Variants in ASB2 observed in about 807,000 individuals in gnomAD.
The protein encoded by ASB2 is ankyrin repeat and SOCS box containing 2.
Under a neutral mutation model 62.4 loss-of-function variants are expected in ASB2, and 58 were observed. That is an observed-to-expected ratio of 0.93 (90% confidence interval 0.75 to 1.16). ASB2 has a LOEUF of 1.16. ASB2 is among the 50% of genes most tolerant of loss of function. The probability of loss-of-function intolerance (pLI) is 0.00; values close to 1 mark genes in which losing one functional copy is unlikely to be tolerated. For synonymous variants in ASB2, 386 were observed against 385.3 expected, an observed-to-expected ratio of 1.00 and a Z score of -0.02; for missense variants, 928 against 887.9, an observed-to-expected ratio of 1.05 and a Z score of -0.57.
chr14:93,955,529 TG>T (rs36022757), intron 3 of ASB2: 4 of 182,226 alleles, frequency 2.2e-5, no homozygotes, highest in African/African-American at 9.3e-5. Flanking sequence ...AAAAGCCCAG[TG>T]GGGGTATGTG....
intron 7 of ASB2, 195 bp from the exon 8 acceptor site, chr14:93,939,867 C>T (rs1387247282): frequency 3.9e-5 from 18 of 465,422 alleles, no homozygotes; most frequent in African/African-American, 1.7e-4. Flanking sequence ...GGTCGGCTGC[C>T]GTCTCCGCTT....
intron 7 of ASB2, chr14:93,940,307 A>G (rs3790060): frequency 0.24 from 36,804 of 152,144 alleles, 4,930 homozygotes; most frequent in East Asian, 0.6. Context: ...CCCCTAAAGC[A>G]AGGCTCATCA....
intron 1 of ASB2, among the ~76,000 whole-genome samples, chr14:93,967,269 A>G (rs1470159169): frequency 6.6e-6 from 1 of 152,214 alleles, no homozygotes; most frequent in Admixed American, 6.5e-5. Context: ...GGTCCCTGCC[A>G]GGTCTGAGTT....
At chr14:93,968,750 C>T (rs12886344) in intron 1 of ASB2, among the ~76,000 whole-genome samples, 10,335 of 152,268 alleles carry the variant, frequency 0.068, 363 homozygotes, top group African/African-American at 0.075. Context: ...CTGCTAGAGG[C>T]CTGTCTCCCT....
intron 1 of ASB2, chr14:93,968,264 CAAT>C (rs1272933844): frequency 6.6e-6 from 1 of 152,182 alleles, no homozygotes; most frequent in Non-Finnish European, 1.5e-5. Context: ...TTACATTGGC[CAAT>C]TATCCATGTC....
intron 6 of ASB2, among the ~76,000 whole-genome samples, chr14:93,950,746 AGGT>A (rs1166153032): frequency 1.3e-5 from 2 of 152,188 alleles, no homozygotes; most frequent in African/African-American, 4.8e-5. Context: ...AATGGCAAAT[AGGT>A]GGTCCGTGGG....
intron 1 of ASB2, chr14:93,968,338 C>T (rs1889655086): frequency 6.6e-6 from 1 of 152,234 alleles, no homozygotes; most frequent in African/African-American, 2.4e-5. Context: ...AATTCCTCTA[C>T]AGCCCCTCTC....
Position 93,951,092 on chromosome 14 carries a change from T to C in ASB2, c.787A>G (p.Lys263Glu). Residue 263 changes from lysine to glutamate, a missense_variant, in exon 6 of 10, where the codon AAG becomes GAG. By Grantham distance (56) the Lys-to-Glu change is moderately conservative (BLOSUM62 1). Transcript: ENST00000555019. ...VMQILVSGGAKVESKNAYGIT... is the reference protein window; with the variant it reads ...VMQILVSGGAEVESKNAYGIT... The stretch of plus-strand genomic sequence containing the variant: ...CCGTAGGCGTTCTTGGATTCCACCT[T>C]GGCTCCTCCGCTCACCAGGATCTGC... 1 of 1,614,212 alleles carries C rather than the reference T, an allele frequency of 6.2e-7. No individual in the cohort carries two copies. Among genetic ancestry groups the C allele is most frequent in the Non-Finnish European group, 8.5e-7 (1 of 1,180,048 alleles).
intron 7 of ASB2, chr14:93,942,172 A>G: frequency 2.2e-6 from 1 of 455,902 alleles, no homozygotes; most frequent in Non-Finnish European, 4.4e-6. Context: ...CCCACCAAAC[A>G]GTCTGACTCT....
Position 93,953,623 on chromosome 14 carries a change from T to C in ASB2, c.479-116A>G, listed in dbSNP as rs1015405389. Reference sequence around the variant, plus strand: ...ACAATGTATGACATCCTCTGAAATTTACCAACTACAGACTGCATTCATCTG... The same window carrying C: ...ACAATGTATGACATCCTCTGAAATTCACCAACTACAGACTGCATTCATCTG... On this transcript the variant is annotated intron_variant, in intron 4 of 9. Transcript: ENST00000555019. 7 of 927,144 alleles carry C rather than the reference T, an allele frequency of 7.6e-6. No homozygotes were observed. The African/African-American group carries it at 1.2e-4, about 16-fold the overall frequency. 57.4% of individuals were successfully genotyped at this position (927,144 alleles called of 1,614,324 possible).
At chr14:93,957,911 G>T (rs912754769) in intron 2 of ASB2, among the ~76,000 whole-genome samples, 2 of 152,060 alleles carry the variant, frequency 1.3e-5, no homozygotes, top group East Asian at 3.9e-4. Context: ...ACACTCTTCT[G>T]GGGGGGATTG....
intron 2 of ASB2, among the ~76,000 whole-genome samples, chr14:93,961,183 A>T (rs1268858382): frequency 1.3e-5 from 2 of 152,144 alleles, no homozygotes; most frequent in African/African-American, 4.8e-5. Context: ...CGCCCACCTC[A>T]TCTTATTTGC....
intron 5 of ASB2, among the ~76,000 whole-genome samples, chr14:93,951,934 G>T (rs568880388): frequency 3.3e-5 from 5 of 152,232 alleles, no homozygotes; most frequent in African/African-American, 9.6e-5. Flanking sequence ...GACCCCAAAC[G>T]TGCCCTTGGC....
At chr14:93,957,904 C>T (rs1225014679) in intron 2 of ASB2, among the ~76,000 whole-genome samples, 1 of 152,150 alleles carries the variant, frequency 6.6e-6, no homozygotes, top group Non-Finnish European at 1.5e-5. Context: ...TTTCACCACA[C>T]TCTTCTGGGG....
chr14:93,939,367 C>T lies in ASB2; in HGVS notation c.1358G>A (p.Cys453Tyr), dbSNP rs147776008. The part of the protein sequence containing the change: ...SPLLVAIRHG[C>Y]LRTMQLLLDH... ...CAGCAGCAGCTGCATTGTGCGCAGG[C>T]AGCCGTGGCGGATGGCCACGAGCAA... is the stretch of plus-strand genomic sequence containing the variant. Residue 453 changes from cysteine (C) to tyrosine (Y), a missense_variant, in exon 8 of 10, where the codon TGC becomes TAC. By Grantham distance (194) the Cys-to-Tyr change is radical. Coordinates refer to ENST00000555019, the MANE Select transcript of ASB2 (RefSeq NM_001202429.2). 79 of 1,612,780 alleles carry T rather than the reference C, an allele frequency of 4.9e-5. No homozygotes were observed. The African/African-American group carries it at 9.6e-4, about 20-fold the overall frequency.
At chr14:93,961,532 G>C (rs1889407336) in intron 2 of ASB2, among the ~76,000 whole-genome samples, 1 of 152,252 alleles carries the variant, frequency 6.6e-6, no homozygotes, top group African/African-American at 2.4e-5. Flanking sequence ...ACAGCCATGA[G>C]AGCAAGTAAG....
In ASB2 at chr14:93,953,533, A is replaced by G. The variant is rs372795273; in HGVS notation, c.479-26T>C. 49 of 1,552,454 alleles carry G rather than the reference A, an allele frequency of 3.2e-5. No homozygotes were observed. In the African/African-American group the frequency reaches 6.0e-4, roughly 19 times the overall value. On this transcript the variant is annotated intron_variant, in intron 4 of 9. Transcript: ENST00000555019. ...CTAGGGAGGGCCCACCGGGAAATTC[A>G]TGTAGGAGAAAGATACTCAGCCCCG...
At chr14:93,937,935 A>C in intron 8 of ASB2, 84 bp from the exon 9 acceptor site, 1 of 1,386,972 alleles carries the variant, frequency 7.2e-7, no homozygotes, top group Admixed American at 2.0e-5. Flanking sequence ...GGATGTGTCC[A>C]AGCACAGACA....
At chr14:93,958,710 C>G (rs1889310112) in intron 2 of ASB2, among the ~76,000 whole-genome samples, 1 of 152,194 alleles carries the variant, frequency 6.6e-6, no homozygotes, top group Admixed American at 6.5e-5. Context: ...GAAGGAGAGA[C>G]AGCCGGCAGG....
Sources: gnomAD v4.1 joint callset for allele counts (sites outside exome capture counted in the v4.1 genomes callset) on GRCh38, gnomAD v4.1.1 for gene constraint, MANE v1.5 for transcripts, NCBI Gene and HGNC (gene_info 2026-07-23, HGNC 2026-07-21) for gene names.